BMS1: variants seen among roughly 807,000 people sequenced by gnomAD.
BMS1 encodes the protein BMS1 ribosome biogenesis factor.
A neutral mutation model predicts 138.7 loss-of-function variants in BMS1; 53 were observed. The observed-to-expected ratio is 0.38, with a 90% confidence interval of 0.31 to 0.48. The LOEUF (loss-of-function observed/expected upper bound fraction) is 0.48. BMS1 is among the 20% of genes least tolerant of loss of function. BMS1 has a pLI of 0.97. For missense variants in BMS1, 1,360 were observed against 1,565.5 expected (o/e 0.87, Z 2.22); for synonymous variants, 504 against 539.9 (o/e 0.93, Z 0.92).
intron 22 of BMS1, 92 bp from the exon 23 acceptor site, chr10:42,830,774 G>C (rs1288703412): frequency 9.2e-7 from 1 of 1,085,306 alleles, no homozygotes. Flanking sequence ...ATATTCATTT[G>C]GATCGTGGGT....
At chr10:42,817,159 A>G (rs1842373139) in intron 14 of BMS1, among the ~76,000 whole-genome samples, 159 bp from the exon 15 acceptor site, 1 of 152,206 alleles carries the variant, frequency 6.6e-6, no homozygotes, top group Non-Finnish European at 1.5e-5. Context: ...GTACCATGTT[A>G]TTCAGAGACA....
intron 17 of BMS1, 117 bp from the exon 18 acceptor site, chr10:42,820,817 G>A: frequency 8.1e-7 from 1 of 1,240,762 alleles, no homozygotes; most frequent in Non-Finnish European, 1.2e-6. Flanking sequence ...GAGCGGGGAG[G>A]TGGTTTGGAG....
intron 2 of BMS1, 119 bp downstream of exon 2, chr10:42,784,689 C>T (rs747747562): frequency 1.7e-6 from 2 of 1,206,604 alleles, no homozygotes; most frequent in Non-Finnish European, 2.2e-6. Context: ...CATGGAGATT[C>T]ATGGTGTGTG....
chr10:42,812,865 G>A (rs1191086575), intron 13 of BMS1, among the ~76,000 whole-genome samples: 1 of 152,218 alleles, frequency 6.6e-6, no homozygotes, highest in East Asian at 1.9e-4. Context: ...AGGCTGAGGT[G>A]CAACCGTTCT....
intron 21 of BMS1, among the ~76,000 whole-genome samples, chr10:42,826,424 G>T (rs1238119051): frequency 1.3e-5 from 2 of 152,198 alleles, no homozygotes; most frequent in African/African-American, 4.8e-5. Flanking sequence ...TGACATAATA[G>T]TGACTCTGGA....
At chr10:42,827,669 G>A (rs966043933) in intron 21 of BMS1, among the ~76,000 whole-genome samples, 2 of 152,090 alleles carry the variant, frequency 1.3e-5, no homozygotes, top group Non-Finnish European at 2.9e-5. Context: ...TGGGTGGTGG[G>A]GGGCAGATAT....
Position 42,798,644 on chromosome 10 carries a change from T to G in BMS1, c.2247+19T>G. 6.2e-7 allele frequency: 1 copy of G among 1,611,186 alleles called. No individual in the cohort carries two copies. Among genetic ancestry groups the G allele is most frequent in the Non-Finnish European group, 8.5e-7 (1 of 1,177,864 alleles). On this transcript the variant is annotated intron_variant, in intron 12 of 22. Transcript: ENST00000374518. Reference sequence around the variant, plus strand: ...AGAGGAGGTAAGTCTGGGTAGTACATTTGATTTATTAGAGAATTAGCGAAT... The same window carrying G: ...AGAGGAGGTAAGTCTGGGTAGTACAGTTGATTTATTAGAGAATTAGCGAAT...
Position 42,796,819 on chromosome 10 carries a change from TGAA to T in BMS1, c.1581_1583del (p.Glu528del). On this transcript the variant is annotated inframe_deletion, in exon 10 of 23. Transcript: ENST00000374518. ...AAGCGGAGGAAGCTGATGAAAGCAG[TGAA>T]GAAGAGGACTGCACTGCAGGAGAGA... 6.2e-7 allele frequency: 1 copy of T among 1,614,078 alleles called. No homozygotes were observed. The highest frequency in any genetic ancestry group is 1.1e-5 in the South Asian group (1 of 91,074).
rs939135827 is a variant in BMS1 at position 42,794,134 on chromosome 10, G to A, written c.1229+143G>A. On this transcript the variant is annotated intron_variant, in intron 9 of 22. Coordinates refer to ENST00000374518, the MANE Select transcript of BMS1 (RefSeq NM_014753.4). Reference sequence around the variant, plus strand: ...CTTTGTGTGTGCATGTGTCTCTGAGGGCTCTTCACTTACCTGACATTACAA... The same window carrying A: ...CTTTGTGTGTGCATGTGTCTCTGAGAGCTCTTCACTTACCTGACATTACAA... 14 of 900,020 alleles carry A rather than the reference G, an allele frequency of 1.6e-5. No individual in the cohort carries two copies. The African/African-American group carries it at 2.4e-4, about 15-fold the overall frequency. The allele number at this position is 900,020 out of a possible 1,614,324, so 55.8% of individuals were successfully genotyped here. A position where few individuals can be genotyped will look rare whatever the true frequency, so the allele number is the denominator to read the frequency against.
intron 7 of BMS1, 123 bp from the exon 8 acceptor site, chr10:42,792,834 A>G: frequency 3.0e-6 from 4 of 1,318,700 alleles, no homozygotes; most frequent in South Asian, 1.4e-5. Context: ...GTGTGGCACA[A>G]TGCCCTTCTT....
chr10:42,812,754 A>G (rs369482492), intron 13 of BMS1, among the ~76,000 whole-genome samples: 1 of 152,240 alleles, frequency 6.6e-6, no homozygotes. Context: ...CAGGCTTGGT[A>G]GTAACAAGAG....
At chr10:42,826,838 T>C (rs1842660982) in intron 21 of BMS1, among the ~76,000 whole-genome samples, 1 of 152,046 alleles carries the variant, frequency 6.6e-6, no homozygotes, top group South Asian at 2.1e-4. Flanking sequence ...GCCAAGGCAC[T>C]GATTCCCTGG....
Position 42,792,505 on chromosome 10 carries a change from G to C in BMS1, c.792G>C (p.Leu264Phe). 6.2e-7 allele frequency: 1 copy of C among 1,611,258 alleles called. No individual in the cohort carries two copies. Among genetic ancestry groups the C allele is most frequent in the Non-Finnish European group, 8.5e-7 (1 of 1,179,660 alleles). ...PYILADRMED[L>F]TNPEDIRTNI... ...TTTATTTTTCTAGGATGGAAGATTT[G>C]ACAAACCCAGAGGATATCCGAACAA... The change falls in exon 7 of 23, where the codon TTG (leucine) becomes TTC (phenylalanine). Residue 264 changes from leucine (L) to phenylalanine (F), a missense_variant. Leu to Phe is a conservative substitution (Grantham distance 22). Coordinates refer to ENST00000374518, the MANE Select transcript of BMS1 (RefSeq NM_014753.4).
At chr10:42,812,289 G>A (rs1370609374) in intron 13 of BMS1, among the ~76,000 whole-genome samples, 1 of 152,192 alleles carries the variant, frequency 6.6e-6, no homozygotes, top group Non-Finnish European at 1.5e-5. Flanking sequence ...GGTACTATAG[G>A]TGTGTGCCGC....
intron 9 of BMS1, among the ~76,000 whole-genome samples, chr10:42,794,808 A>C (rs1240307692): frequency 6.6e-6 from 1 of 151,604 alleles, no homozygotes; most frequent in Non-Finnish European, 1.5e-5. Flanking sequence ...ACATGTGCAC[A>C]ATGTGCAGGT....
intron 6 of BMS1, among the ~76,000 whole-genome samples, chr10:42,792,051 T>G (rs1240769753): frequency 6.6e-6 from 1 of 152,204 alleles, no homozygotes; most frequent in Admixed American, 6.5e-5. Flanking sequence ...TGATGCTGCC[T>G]TCATGCCCGG....
chr10:42,807,738 A>G (rs1051528034), intron 13 of BMS1, among the ~76,000 whole-genome samples: 7 of 152,144 alleles, frequency 4.6e-5, no homozygotes, highest in African/African-American at 1.4e-4. Context: ...ATTTTTGACT[A>G]TTAGAATTGA....
chr10:42,792,347 G>A, intron 6 of BMS1, 146 bp from the exon 7 acceptor site: 1 of 1,102,822 alleles, frequency 9.1e-7, no homozygotes, highest in Non-Finnish European at 1.3e-6. Context: ...CTGGTGGATG[G>A]TGAATGGTGC....
chr10:42,823,380 G>C, intron 20 of BMS1, 115 bp downstream of exon 20: 2 of 1,374,162 alleles, frequency 1.5e-6, no homozygotes, highest in Middle Eastern at 2.7e-4. Flanking sequence ...TCCAGCCTTA[G>C]ATCTCCCAGT....
Sources: allele counts gnomAD v4.1 joint callset (sites outside exome capture counted in the v4.1 genomes callset), GRCh38; gene constraint gnomAD v4.1.1; transcripts MANE v1.5; gene names NCBI Gene and HGNC (gene_info 2026-07-23, HGNC 2026-07-21).